The following PACRG variants were observed in gnomAD, a reference collection of about 807,000 sequenced individuals.
PACRG encodes parkin coregulated.
In PACRG, 29 loss-of-function variants were observed where a neutral mutation model predicts 29.7. That is an observed-to-expected ratio of 0.98 (90% CI 0.73 to 1.33). The LOEUF (loss-of-function observed/expected upper bound fraction) is 1.33. Ranked by LOEUF, PACRG falls within the 40% of genes most tolerant of loss-of-function variation. The probability of loss-of-function intolerance (pLI) is 0.00; values close to 1 mark genes in which losing one functional copy is unlikely to be tolerated. For synonymous variants in PACRG, 116 were observed against 118.7 expected, an observed-to-expected ratio of 0.98 and a Z score of 0.15; for missense variants, 279 against 316.2, an observed-to-expected ratio of 0.88 and a Z score of 0.89.
At chr6:163,139,135 C>A (rs570930131) in intron 4 of PACRG, among the ~76,000 whole-genome samples, 1 of 152,226 alleles carries the variant, frequency 6.6e-6, no homozygotes, top group Admixed American at 6.5e-5. Flanking sequence ...AGGCAAGCTG[C>A]GGGCAGAGAG....
rs1178192721 is a variant in PACRG, at chr6:163,088,918, A to T, written c.464-341A>T. ...GAAAATGTATCTGTTGTCAACCCAC[A>T]TGGGTTCCTTTAACTCCAGCAACAT... is the stretch of plus-strand genomic sequence containing the variant. On this transcript the variant is annotated intron_variant, in intron 3 of 4. Coordinates refer to ENST00000366888, the MANE Select transcript of PACRG (RefSeq NM_001080379.2). Among the ~76,000 whole-genome samples the T allele has an allele frequency of 2.6e-5, 4 of 152,140 alleles. No individual in the cohort carries two copies. In the East Asian group the frequency reaches 7.7e-4, roughly 29 times the overall value.
chr6:163,058,365 T>C (rs1810775889), intron 2 of PACRG, among the ~76,000 whole-genome samples: 4 of 152,180 alleles, frequency 2.6e-5, no homozygotes, highest in Admixed American at 2.0e-4. Flanking sequence ...CATATCTGTG[T>C]CTCTGGTGGC....
intron 2 of PACRG, among the ~76,000 whole-genome samples, chr6:163,056,109 A>G (rs1810566955): frequency 4.6e-5 from 7 of 152,248 alleles, no homozygotes; most frequent in Admixed American, 4.6e-4. Context: ...TACAGAAAAT[A>G]ACAAGTGTTG....
Position 162,777,725 on chromosome 6 carries a change from A to G in PACRG, c.157-36422A>G, listed in dbSNP as rs2321178. On this transcript the variant is annotated intron_variant, in intron 1 of 4. Coordinates refer to ENST00000366888, the MANE Select transcript of PACRG (RefSeq NM_001080379.2). The surrounding 1 kb of genome is among the most constrained non-coding windows in gnomAD (Gnocchi z 4.0). The stretch of plus-strand genomic sequence containing the variant: ...GAGATGCATTTAAAGTTTAATATTA[A>G]CATATTCTGGAGCATCTTAAGGAAG... 0.76 allele frequency among the ~76,000 whole-genome samples: 114,816 copies of G among 152,054 alleles called. 44,869 individuals are homozygous for G. The highest frequency in any genetic ancestry group is 1 in the East Asian group (5,161 of 5,168).
At chr6:163,199,869 T>C (rs964405387) in intron 4 of PACRG, among the ~76,000 whole-genome samples, 2 of 152,224 alleles carry the variant, frequency 1.3e-5, no homozygotes, top group African/African-American at 4.8e-5. Flanking sequence ...CATAGATAGC[T>C]ACAAACACAA....
chr6:163,158,977 A>G (rs1417310815), intron 4 of PACRG, among the ~76,000 whole-genome samples: 1 of 152,192 alleles, frequency 6.6e-6, no homozygotes, highest in Non-Finnish European at 1.5e-5. Context: ...GACCTCTATC[A>G]TGTTGCTTGG....
chr6:162,746,563 C>A (rs1008368107), intron 1 of PACRG, among the ~76,000 whole-genome samples: 1 of 152,094 alleles, frequency 6.6e-6, no homozygotes, highest in African/African-American at 2.4e-5. Flanking sequence ...CACATTCACA[C>A]AAAATTATCT....
intron 4 of PACRG, among the ~76,000 whole-genome samples, chr6:163,307,463 G>A (rs113854393): frequency 0.016 from 2,449 of 152,314 alleles, 32 homozygotes; most frequent in Middle Eastern, 0.051. Flanking sequence ...CATCTCTAGC[G>A]TGCCAGATGC....
chr6:162,796,047 T>C (rs1350971143), intron 1 of PACRG, among the ~76,000 whole-genome samples: 1 of 152,206 alleles, frequency 6.6e-6, no homozygotes, highest in Non-Finnish European at 1.5e-5. Flanking sequence ...TCCCCAATGT[T>C]TTAACCTCAT....
intron 2 of PACRG, among the ~76,000 whole-genome samples, chr6:162,860,222 CAG>C (rs1167310069): frequency 5.3e-5 from 8 of 152,116 alleles, no homozygotes; most frequent in Non-Finnish European, 1.0e-4. Flanking sequence ...ATTCTTGTAA[CAG>C]GGGAAGAAGT....
chr6:162,757,915 G>A (rs933702360), intron 1 of PACRG, among the ~76,000 whole-genome samples: 7 of 151,760 alleles, frequency 4.6e-5, no homozygotes, highest in Non-Finnish European at 1.0e-4. Flanking sequence ...AAATATGAGG[G>A]TGAAAAATAC....
chr6:162,942,438 G>T (rs138248676), intron 2 of PACRG, among the ~76,000 whole-genome samples: 86 of 151,620 alleles, frequency 5.7e-4, no homozygotes, highest in African/African-American at 1.9e-3. Flanking sequence ...CATTTACCTG[G>T]GTATTTTGTA....
intron 2 of PACRG, among the ~76,000 whole-genome samples, chr6:162,899,181 G>C (rs1003557257): frequency 2.0e-5 from 3 of 152,176 alleles, no homozygotes; most frequent in African/African-American, 7.2e-5. Flanking sequence ...GGCTGTCACA[G>C]CCCTGTGTAA....
At chr6:163,078,953 A>G (rs146108953) in intron 3 of PACRG, among the ~76,000 whole-genome samples, 168 of 151,962 alleles carry the variant, frequency 1.1e-3, no homozygotes, top group African/African-American at 3.8e-3. Context: ...GCTGTACACC[A>G]GTATCCCATG....
Position 163,125,702 on chromosome 6 carries a change from T to C in PACRG, c.613+36294T>C, listed in dbSNP as rs532877606. Reference sequence around the variant, plus strand: ...TATGAAATTCCAAGGAAATGGACATTCTTGTTAACAGTTGATGAGAAGGCA... The same window carrying C: ...TATGAAATTCCAAGGAAATGGACATCCTTGTTAACAGTTGATGAGAAGGCA... On this transcript the variant is annotated intron_variant, in intron 4 of 4. Coordinates refer to ENST00000366888, the MANE Select transcript of PACRG (RefSeq NM_001080379.2). Among the ~76,000 whole-genome samples, 149 of 152,328 alleles carry C rather than the reference T, an allele frequency of 9.8e-4. 1 individual carries two copies. The highest frequency in any genetic ancestry group is 3.6e-3 in the African/African-American group (149 of 41,572).
chr6:163,128,973 T>C (rs1253840689), intron 4 of PACRG, among the ~76,000 whole-genome samples: 1 of 152,190 alleles, frequency 6.6e-6, no homozygotes, highest in African/African-American at 2.4e-5. Context: ...ATGTGTTAAA[T>C]GTTAAGTATA....
intron 2 of PACRG, among the ~76,000 whole-genome samples, chr6:163,044,397 G>A (rs553146704): frequency 6.6e-6 from 1 of 152,032 alleles, no homozygotes; most frequent in African/African-American, 2.4e-5. Context: ...TAATTCCTGG[G>A]CTCAAGCAAT....
intron 2 of PACRG, among the ~76,000 whole-genome samples, chr6:162,972,027 C>A (rs1451648385): frequency 1.3e-5 from 2 of 152,156 alleles, no homozygotes; most frequent in Non-Finnish European, 2.9e-5. Context: ...TGGTCATGAG[C>A]ACTCTGACCT....
chr6:163,232,808 G>A (rs568560311), intron 4 of PACRG, among the ~76,000 whole-genome samples: 4 of 152,266 alleles, frequency 2.6e-5, no homozygotes, highest in Admixed American at 6.5e-5. Flanking sequence ...TAAAGAGCAC[G>A]CCTCACCTAC....
Sources: allele counts gnomAD v4.1 joint callset (sites outside exome capture counted in the v4.1 genomes callset), GRCh38; gene constraint gnomAD v4.1.1; non-coding constraint Gnocchi (gnomAD v3.1); transcripts MANE v1.5; gene names NCBI Gene and HGNC (gene_info 2026-07-23, HGNC 2026-07-21).